NEBL: variants seen among roughly 807,000 people sequenced by gnomAD.
NEBL encodes the protein nebulette, also known as LIM and SH3 protein 2.
A neutral mutation model predicts 140.2 loss-of-function variants in NEBL; 122 were observed. The observed-to-expected ratio is 0.87, with a 90% CI of 0.75 to 1.01. The LOEUF (loss-of-function observed/expected upper bound fraction) is 1.01. NEBL is among the 50% of genes least tolerant of loss of function. The pLI is 0.00. For synonymous variants in NEBL, 436 were observed against 398.9 expected (o/e 1.09, Z -1.11); for missense variants, 1,365 against 1,231.3 (o/e 1.11, Z -1.62).
intron 2 of NEBL, among the ~76,000 whole-genome samples, chr10:21,052,334 G>A (rs1834813668): frequency 6.6e-6 from 1 of 152,236 alleles, no homozygotes; most frequent in Admixed American, 6.5e-5. Flanking sequence ...GGTCAAGTCT[G>A]CATTTTGCTA....
chr10:20,965,840 C>A (rs1411486950), intron 3 of NEBL, among the ~76,000 whole-genome samples: 1 of 152,104 alleles, frequency 6.6e-6, no homozygotes, highest in Admixed American at 6.5e-5. Context: ...AGTTCTTGGG[C>A]CCAGCCTCAG....
chr10:20,917,801 T>C (rs1275427542), intron 4 of NEBL, among the ~76,000 whole-genome samples: 2 of 152,226 alleles, frequency 1.3e-5, no homozygotes, highest in African/African-American at 4.8e-5. Flanking sequence ...ACTTTCAAGA[T>C]ACTTCTTTGA....
At chr10:21,081,293 G>A (rs1047231793) in intron 2 of NEBL, among the ~76,000 whole-genome samples, 3 of 152,196 alleles carry the variant, frequency 2.0e-5, no homozygotes, top group Non-Finnish European at 4.4e-5. Context: ...GAGTTGTGGG[G>A]AGCTCCAGCA....
intron 3 of NEBL, among the ~76,000 whole-genome samples, chr10:20,976,608 T>G (rs769459569): frequency 6.6e-6 from 1 of 152,154 alleles, no homozygotes; most frequent in Non-Finnish European, 1.5e-5. Context: ...AATAAGATCA[T>G]GCCCTTTGCA....
intron 4 of NEBL, among the ~76,000 whole-genome samples, chr10:20,909,825 T>G (rs1469627749): frequency 6.6e-6 from 1 of 152,090 alleles, no homozygotes; most frequent in Non-Finnish European, 1.5e-5. Flanking sequence ...ATACAATGGC[T>G]TTAAGTCTTA....
chr10:21,215,301 C>G (rs1841974876), intron 3 of NEBL, among the ~76,000 whole-genome samples: 1 of 152,074 alleles, frequency 6.6e-6, no homozygotes, highest in Non-Finnish European at 1.5e-5. Flanking sequence ...AGGGCAAGAG[C>G]CTATCTCTTT....
chr10:21,139,898 C>G (rs1839536280), intron 2 of NEBL, among the ~76,000 whole-genome samples: 1 of 151,648 alleles, frequency 6.6e-6, no homozygotes, highest in African/African-American at 2.4e-5. Flanking sequence ...CGCCTGTAAT[C>G]CCAGCACTTT....
intron 7 of NEBL, among the ~76,000 whole-genome samples, chr10:20,862,413 T>C (rs943851490): frequency 5.3e-5 from 8 of 152,148 alleles, no homozygotes; most frequent in Admixed American, 3.3e-4. Context: ...TGACACCCAA[T>C]TGTTTCTAAC....
At chr10:20,901,764 C>T (rs788985), upstream of NEBL, among the ~76,000 whole-genome samples, 135,957 of 152,188 alleles carry the variant, frequency 0.89, 60,870 homozygotes, top group South Asian at 0.92. Flanking sequence ...TTTTGATGAC[C>T]GTCTTCCGGA....
upstream of NEBL, among the ~76,000 whole-genome samples, chr10:21,176,877 T>C (rs1157838150): frequency 6.6e-6 from 1 of 152,232 alleles, no homozygotes; most frequent in South Asian, 2.1e-4. Context: ...TTTTTCCTCC[T>C]ATTTATGAAA....
At chr10:21,085,859 C>T (rs148267116) in intron 2 of NEBL, among the ~76,000 whole-genome samples, 9 of 152,180 alleles carry the variant, frequency 5.9e-5, no homozygotes, top group South Asian at 2.1e-4. Context: ...ACATCTCACT[C>T]GGCAGGGCAG....
At chr10:20,832,462 A>G (rs1840506535) in intron 14 of NEBL, among the ~76,000 whole-genome samples, 1 of 152,166 alleles carries the variant, frequency 6.6e-6, no homozygotes, top group African/African-American at 2.4e-5. Flanking sequence ...TGGATTACCA[A>G]TTGCTTACAA....
chr10:21,144,527 A>G (rs1839799980), intron 2 of NEBL, among the ~76,000 whole-genome samples: 2 of 152,186 alleles, frequency 1.3e-5, no homozygotes, highest in South Asian at 4.1e-4. Flanking sequence ...GGAGTTCAAG[A>G]CCAGCCTGGC....
intron 2 of NEBL, among the ~76,000 whole-genome samples, chr10:21,056,871 G>A (rs1365903254): frequency 1.3e-5 from 2 of 152,128 alleles, no homozygotes; most frequent in African/African-American, 2.4e-5. Context: ...GAGGAGGTGT[G>A]GTCAGGGAGG....
chr10:21,021,978 G>A (rs1838816618), intron 2 of NEBL, among the ~76,000 whole-genome samples: 1 of 152,160 alleles, frequency 6.6e-6, no homozygotes, highest in South Asian at 2.1e-4. Flanking sequence ...GCATGTCGTC[G>A]CATTTGTGCA....
At chr10:21,129,120 G>A (rs1310477950) in intron 2 of NEBL, among the ~76,000 whole-genome samples, 1 of 152,114 alleles carries the variant, frequency 6.6e-6, no homozygotes, top group African/African-American at 2.4e-5. Flanking sequence ...AAAGGAATTT[G>A]TTGCCAATAC....
chr10:21,179,724 CA>C (rs11446563), upstream of NEBL, among the ~76,000 whole-genome samples: 13,060 of 137,430 alleles, frequency 0.095, 939 homozygotes, highest in East Asian at 0.22. Flanking sequence ...AGAGATGTGA[CA>C]AAAAAAAAAA....
At chr10:21,061,080 T>G (rs1214027159) in intron 2 of NEBL, among the ~76,000 whole-genome samples, 1 of 151,862 alleles carries the variant, frequency 6.6e-6, no homozygotes, top group Non-Finnish European at 1.5e-5. Context: ...ATAGAGGTCA[T>G]TAGGGTGGGC....
At chr10:20,991,324 T>G (rs980119194) in intron 3 of NEBL, among the ~76,000 whole-genome samples, 6 of 152,086 alleles carry the variant, frequency 3.9e-5, no homozygotes, top group African/African-American at 1.4e-4. Flanking sequence ...TATAAATAGG[T>G]GGTTCTAAAG....
Sources: gnomAD v4.1 joint callset for allele counts (sites outside exome capture counted in the v4.1 genomes callset) on GRCh38, gnomAD v4.1.1 for gene constraint, MANE v1.5 for transcripts, NCBI Gene and HGNC (gene_info 2026-07-23, HGNC 2026-07-21) for gene names.